UGT1A10: variants seen among roughly 807,000 people sequenced by gnomAD.
UGT1A10 encodes the protein UDP glucuronosyltransferase family 1 member A10.
Under a neutral mutation model 45.8 loss-of-function variants are expected in UGT1A10, and 49 were observed. That is an observed-to-expected ratio of 1.07 (90% CI 0.85 to 1.36). The LOEUF (loss-of-function observed/expected upper bound fraction) is 1.36. UGT1A10 is among the 40% of genes most tolerant of loss of function. The pLI, the probability that UGT1A10 is intolerant of heterozygous loss-of-function variation, is 0.00. For synonymous variants in UGT1A10, 284 were observed against 249.7 expected (o/e 1.14, Z -1.29); for missense variants, 745 against 668.6 (o/e 1.11, Z -1.26).
intron 1 of UGT1A10, among the ~76,000 whole-genome samples, chr2:233,678,733 C>G (rs185877328): frequency 2.6e-5 from 4 of 151,276 alleles, no homozygotes; most frequent in Admixed American, 1.3e-4. Flanking sequence ...TCATCAAGTA[C>G]TGATTGGAAA....
At chr2:233,723,413 C>T (rs1262463739) in intron 1 of UGT1A10, among the ~76,000 whole-genome samples, 1 of 133,572 alleles carries the variant, frequency 7.5e-6, no homozygotes, top group Non-Finnish European at 1.6e-5. Flanking sequence ...TTTCACCATA[C>T]TGGTCAGGCT....
In UGT1A10 at chr2:233,705,303, G is replaced by A. The variant is rs115657033; in HGVS notation, c.856-61731G>A. On this transcript the variant is annotated intron_variant, in intron 1 of 4. Transcript: ENST00000344644. Reference sequence around the variant, plus strand: ...TGAAGAACTTCCTTTAGTATTTCTTGTAAGTTGAGTTTTTCAGCAACACAT... The same window carrying A: ...TGAAGAACTTCCTTTAGTATTTCTTATAAGTTGAGTTTTTCAGCAACACAT... Among the ~76,000 whole-genome samples the A allele has an allele frequency of 8.9e-3, 1,351 of 152,284 alleles. 24 individuals are homozygous for A. Among genetic ancestry groups the A allele is most frequent in the African/African-American group, 0.031 (1,281 of 41,548 alleles).
At chr2:233,695,130 C>CTTTCTTTTT (rs1364557158) in intron 1 of UGT1A10, among the ~76,000 whole-genome samples, 39,526 of 138,334 alleles carry the variant, frequency 0.29, 6,081 homozygotes, top group South Asian at 0.37. Context: ...CTTTTCTTTT[C>CTTTCTTTTT]TTTTTTTTTT....
At chr2:233,654,029 C>A (rs1045644086) in intron 1 of UGT1A10, among the ~76,000 whole-genome samples, 34 of 152,330 alleles carry the variant, frequency 2.2e-4, no homozygotes, top group Admixed American at 2.2e-3. Context: ...TCCATGGAGT[C>A]AAATTTGTGA....
At position 233,636,532 on chromosome 2, in the gene UGT1A10, G is replaced by A. The variant is rs756885476; in HGVS notation, c.10G>A (p.Ala4Thr). The change falls in exon 1 of 5, where the codon GCA becomes ACA. Residue 4 changes from alanine (A) to threonine (T), a missense_variant. Physicochemically the swap from Ala to Thr is moderately conservative, Grantham distance 58 (BLOSUM62 0). Coordinates refer to ENST00000344644, the MANE Select transcript of UGT1A10 (RefSeq NM_019075.4). MAR[A>T]GWTSPVPLCV... ...GGGCTGCAGTTCTCTCATGGCTCGC[G>A]CAGGGTGGACCAGCCCCGTTCCTTT... The A allele has an allele frequency of 6.5e-5, 105 of 1,612,936 alleles. No individual in the cohort carries two copies. Among genetic ancestry groups the A allele is most frequent in the Middle Eastern group, 1.6e-4 (1 of 6,074 alleles).
chr2:233,713,259 G>A, intron 1 of UGT1A10: 1 of 1,614,246 alleles, frequency 6.2e-7, no homozygotes, highest in Non-Finnish European at 8.5e-7. Context: ...GGACGAATTT[G>A]ATCGCCTTTT....
intron 1 of UGT1A10, among the ~76,000 whole-genome samples, chr2:233,716,848 A>G (rs28898605): frequency 0.1 from 15,748 of 152,134 alleles, 927 homozygotes; most frequent in East Asian, 0.2. Context: ...TTCAGCTACC[A>G]CATATGCTGA....
intron 1 of UGT1A10, among the ~76,000 whole-genome samples, chr2:233,650,664 ATC>A (rs1258586995): frequency 6.6e-6 from 1 of 152,150 alleles, no homozygotes; most frequent in Admixed American, 6.5e-5. Context: ...TTCCACTCAT[ATC>A]TCAGCATAAA....
chr2:233,772,882 T>C lies in UGT1A10; in HGVS notation c.*323T>C. 1.8e-6 allele frequency: 1 copy of C among 558,640 alleles called. No homozygotes were observed. Among genetic ancestry groups the C allele is most frequent in the Non-Finnish European group, 2.8e-6 (1 of 359,816 alleles). The allele number at this position is 558,640 out of a possible 1,614,324, so 34.6% of individuals were successfully genotyped here. ...CATGGCCTGTTTGGGAGTGCGGGAT[T>C]CAAAGGTGGTCCCACGGCTGCCCCT... On this transcript the variant is annotated 3_prime_UTR_variant, in exon 5 of 5. Transcript: ENST00000344644.
In UGT1A10 at chr2:233,713,810, G is replaced by T. The variant is rs537377644; in HGVS notation, c.856-53224G>T. On this transcript the variant is annotated intron_variant, in intron 1 of 4. Coordinates refer to ENST00000344644, the MANE Select transcript of UGT1A10 (RefSeq NM_019075.4). ...ACCCCAGGCCGATCATGCCCAACAT[G>T]GTCTTCATTGGGGGCATCAACTGTG... 2.5e-6 allele frequency: 4 copies of T among 1,614,058 alleles called. No individual in the cohort carries two copies. The South Asian group carries it at 4.4e-5, about 18-fold the overall frequency.
chr2:233,649,851 T>G (rs1237525246), intron 1 of UGT1A10, among the ~76,000 whole-genome samples: 5 of 152,222 alleles, frequency 3.3e-5, no homozygotes, highest in Non-Finnish European at 5.9e-5. Flanking sequence ...TTGATTTGAC[T>G]GGATCACTTT....
Position 233,637,482 on chromosome 2 carries a change from A to G in UGT1A10, c.855+105A>G, listed in dbSNP as rs563410671. On this transcript the variant is annotated intron_variant, in intron 1 of 4. Coordinates refer to ENST00000344644, the MANE Select transcript of UGT1A10 (RefSeq NM_019075.4). ...TGACATTTTCGTTTGTTGCATTTCA[A>G]ATTTCTTTCCAGTTTAACAAATTAT... 1.3e-3 allele frequency: 1,995 copies of G among 1,498,306 alleles called. 4 individuals are homozygous for G. Among genetic ancestry groups the G allele is most frequent in the Non-Finnish European group, 1.7e-3 (1,885 of 1,128,448 alleles). 92.8% of individuals were successfully genotyped at this position (1,498,306 alleles called of 1,614,324 possible).
rs562977700 is a variant in UGT1A10 at position 233,719,688 on chromosome 2, G to T, written c.856-47346G>T. On this transcript the variant is annotated intron_variant, in intron 1 of 4. Transcript: ENST00000344644. The stretch of plus-strand genomic sequence containing the variant: ...TGCCAACGGGAAGCCACTATCTCAG[G>T]TCTGTATTGGTGCCTTCATCCAATC... 7.9e-5 allele frequency: 127 copies of T among 1,614,002 alleles called. No homozygotes were observed. The East Asian group carries it at 2.7e-3, about 34-fold the overall frequency.
intron 1 of UGT1A10, among the ~76,000 whole-genome samples, chr2:233,731,698 G>C (rs2078194443): frequency 6.6e-6 from 1 of 152,202 alleles, no homozygotes; most frequent in South Asian, 2.1e-4. Context: ...TGGACATTTG[G>C]ATTGGTTCCA....
intron 1 of UGT1A10, chr2:233,691,046 A>G: frequency 1.0e-6 from 1 of 988,608 alleles, no homozygotes; most frequent in Non-Finnish European, 1.2e-6. Context: ...CGTCCACAGC[A>G]GAGTGGAGGT....
At chr2:233,703,892 T>A (rs1430285411) in intron 1 of UGT1A10, among the ~76,000 whole-genome samples, 1 of 152,058 alleles carries the variant, frequency 6.6e-6, no homozygotes, top group Non-Finnish European at 1.5e-5. Context: ...ATCATTTTTT[T>A]CTTTTCTTTT....
At chr2:233,685,230 A>G (rs1312542401) in intron 1 of UGT1A10, among the ~76,000 whole-genome samples, 1 of 152,116 alleles carries the variant, frequency 6.6e-6, no homozygotes, top group Non-Finnish European at 1.5e-5. Flanking sequence ...ACGGGGTTTC[A>G]CCATGTTGGC....
At position 233,718,759 on chromosome 2, in the gene UGT1A10, G is replaced by A; in HGVS notation, c.856-48275G>A. 4 of 1,612,576 alleles carry A rather than the reference G, an allele frequency of 2.5e-6. 1 individual carries two copies. In the Admixed American group the frequency reaches 5.0e-5, roughly 20 times the overall value. On this transcript the variant is annotated intron_variant, in intron 1 of 4. Transcript: ENST00000344644. ...TCAATGACAAGGTAATTAAGGCGAAGGAAACAAATGTAGCAGGCACAGCGT... is the reference window on the plus strand; with the variant it reads ...TCAATGACAAGGTAATTAAGGCGAAAGAAACAAATGTAGCAGGCACAGCGT...
At chr2:233,653,750 C>T (rs1388530007) in intron 1 of UGT1A10, among the ~76,000 whole-genome samples, 1 of 152,210 alleles carries the variant, frequency 6.6e-6, no homozygotes, top group Admixed American at 6.5e-5. Context: ...ATGCCCACCA[C>T]CACAGTCAGC....
Sources: allele counts gnomAD v4.1 joint callset (sites outside exome capture counted in the v4.1 genomes callset), GRCh38; gene constraint gnomAD v4.1.1; transcripts MANE v1.5; gene names NCBI Gene and HGNC (gene_info 2026-07-23, HGNC 2026-07-21).